Variants in SMYD4 observed in about 807,000 individuals in gnomAD.
The protein encoded by SMYD4 is protein-lysine N-methyltransferase SMYD4.
In SMYD4, 68 loss-of-function variants were observed where a neutral mutation model predicts 72.8. The observed-to-expected ratio is 0.93, with a 90% CI of 0.77 to 1.14. SMYD4 has a LOEUF of 1.14. Among genes scored for constraint, SMYD4 ranks in the 50% most tolerant of loss-of-function variants. SMYD4 has a pLI of 0.00. For synonymous variants in SMYD4, 407 were observed against 388.6 expected (o/e 1.05, Z -0.56); for missense variants, 984 against 1,003.7 (o/e 0.98, Z 0.27).
chr17:1,827,852 T>C lies in SMYD4; in HGVS notation c.134+9A>G. On this transcript the variant is annotated intron_variant, in intron 2 of 10. Transcript: ENST00000305513. ...TCACAATTCCCTTGTTAAAGCTTGATTTACTTACTGAAGAAGTGAAGAGGA... is the reference window on the plus strand; with the variant it reads ...TCACAATTCCCTTGTTAAAGCTTGACTTACTTACTGAAGAAGTGAAGAGGA... The C allele has an allele frequency of 1.3e-6, 2 of 1,593,116 alleles. No homozygotes were observed. The highest frequency in any genetic ancestry group is 1.7e-6 in the Non-Finnish European group (2 of 1,163,110).
intron 3 of SMYD4, among the ~76,000 whole-genome samples, chr17:1,811,041 C>G (rs2151244654): frequency 6.6e-6 from 1 of 152,352 alleles, no homozygotes; most frequent in African/African-American, 2.4e-5. Context: ...ACAGGAAGCC[C>G]TCTGTCCTTG....
intron 2 of SMYD4, among the ~76,000 whole-genome samples, chr17:1,826,612 T>G (rs559246758): frequency 1.3e-5 from 2 of 152,064 alleles, no homozygotes; most frequent in Non-Finnish European, 2.9e-5. Context: ...CTGAACTCAT[T>G]ATTTCATTCA....
chr17:1,804,329 C>T (rs998878072), intron 4 of SMYD4: 3 of 297,538 alleles, frequency 1.0e-5, no homozygotes, highest in Non-Finnish European at 2.0e-5. Flanking sequence ...TGCTACTACA[C>T]CCGGCTAATT....
Position 1,784,370 on chromosome 17 carries a change from T to C in SMYD4, c.1976A>G (p.Gln659Arg). 1 of 1,614,248 alleles carries C rather than the reference T, an allele frequency of 6.2e-7. No homozygotes were observed. ...AAGCTTCTGGGCCACTCTGACCTGC[T>C]GCTGTAGGTCCTGTAACCGAGAGAC... ...HLVSRLQDLQ[Q>R]QVRVAQKLLR... The change falls in exon 8 of 11, where the codon CAG becomes CGG. Residue 659 changes from glutamine (Q) to arginine (R), a missense_variant. Coordinates refer to ENST00000305513, the MANE Select transcript of SMYD4 (RefSeq NM_052928.3).
chr17:1,787,639 C>G (rs1030272099), intron 5 of SMYD4, 35 bp from the exon 6 acceptor site: 2 of 1,532,238 alleles, frequency 1.3e-6, no homozygotes, highest in Admixed American at 2.0e-5. Flanking sequence ...AAAAAGGTGT[C>G]AGCACATGAG....
At chr17:1,820,057 G>A (rs963876247) in intron 2 of SMYD4, among the ~76,000 whole-genome samples, 1 of 152,108 alleles carries the variant, frequency 6.6e-6, no homozygotes, top group African/African-American at 2.4e-5. Context: ...CAAAGGGCTG[G>A]GATTACAGGC....
Position 1,780,008 on chromosome 17 carries a change from T to A in SMYD4, c.*1278A>T, listed in dbSNP as rs1264401195. 6.6e-6 allele frequency: 1 copy of A among 152,560 alleles called. No homozygotes were observed. The highest frequency in any genetic ancestry group is 6.5e-5 in the Admixed American group (1 of 15,278). The allele number at this position is 152,560 out of a possible 1,614,324, so 9.5% of individuals were successfully genotyped here. A position where few individuals can be genotyped will look rare whatever the true frequency, so the allele number is the denominator to read the frequency against. On this transcript the variant is annotated 3_prime_UTR_variant, in exon 11 of 11. Coordinates refer to ENST00000305513, the MANE Select transcript of SMYD4 (RefSeq NM_052928.3). Reference sequence around the variant, plus strand: ...GCCTGCAGATCAGCTAAAATCCTTTTAAAGGACTTGGAATCTCCAGATACT... The same window carrying A: ...GCCTGCAGATCAGCTAAAATCCTTTAAAAGGACTTGGAATCTCCAGATACT...
chr17:1,826,491 CAAAAAAAAAA>C lies in SMYD4; in HGVS notation c.134+1360_134+1369del, dbSNP rs111636314. Among the ~76,000 whole-genome samples, 1,019 of 102,994 alleles carry C rather than the reference CAAAAAAAAAA, an allele frequency of 9.9e-3. 11 individuals are homozygous for C. Among genetic ancestry groups the C allele is most frequent in the African/African-American group, 0.029 (926 of 31,512 alleles). The allele number at this position is 102,994 out of a possible 152,430, so 67.6% of individuals were successfully genotyped here. ...TGGGCAACAAGAGCAAAACTCTGTCCAAAAAAAAAAAAAAAAAAAAAAAAAAAGAAAAGAA... is the reference window on the plus strand; with the variant it reads ...TGGGCAACAAGAGCAAAACTCTGTCCAAAAAAAAAAAAAAAAAGAAAAGAA... On this transcript the variant is annotated intron_variant, in intron 2 of 10. Coordinates refer to ENST00000305513, the MANE Select transcript of SMYD4 (RefSeq NM_052928.3).
At chr17:1,826,266 G>A (rs533784941) in intron 2 of SMYD4, among the ~76,000 whole-genome samples, 1 of 152,232 alleles carries the variant, frequency 6.6e-6, no homozygotes, top group South Asian at 2.1e-4. Flanking sequence ...GCCAAGGCGG[G>A]CGGATCACCT....
At chr17:1,798,997 C>A (rs1194632485) in intron 5 of SMYD4, among the ~76,000 whole-genome samples, 1 of 151,666 alleles carries the variant, frequency 6.6e-6, no homozygotes, top group Non-Finnish European at 1.5e-5. Context: ...AACAGCCAGG[C>A]ACGGTGGCTC....
rs1255429047 is a variant in SMYD4 at position 1,783,645 on chromosome 17, C to T, written c.2021-169G>A. ...TCTGTTCCAATAAAGCTGCTGTTTT[C>T]TTCTGTTTTCTCTGTCAGTGGAGAA... On this transcript the variant is annotated intron_variant, in intron 8 of 10. Coordinates refer to ENST00000305513, the MANE Select transcript of SMYD4 (RefSeq NM_052928.3). 12 of 1,234,982 alleles carry T rather than the reference C, an allele frequency of 9.7e-6. No individual in the cohort carries two copies. The African/African-American group carries it at 1.1e-4, about 11-fold the overall frequency. 76.5% of individuals were successfully genotyped at this position (1,234,982 alleles called of 1,614,324 possible). A position where few individuals can be genotyped will look rare whatever the true frequency, so the allele number is the denominator to read the frequency against.
intron 2 of SMYD4, among the ~76,000 whole-genome samples, chr17:1,816,569 G>A (rs1458449098): frequency 6.0e-5 from 9 of 151,202 alleles, no homozygotes; most frequent in East Asian, 5.9e-4. Context: ...GCAGTGAGCC[G>A]AGAGCACACC....
At chr17:1,814,033 A>C (rs565349316) in intron 2 of SMYD4, among the ~76,000 whole-genome samples, 35 of 152,148 alleles carry the variant, frequency 2.3e-4, no homozygotes, top group Non-Finnish European at 4.7e-4. Flanking sequence ...CAGAATGGCC[A>C]GGTGCGGTGG....
At chr17:1,791,704 A>T (rs1285392567) in intron 5 of SMYD4, among the ~76,000 whole-genome samples, 1 of 152,168 alleles carries the variant, frequency 6.6e-6, no homozygotes, top group Non-Finnish European at 1.5e-5. Context: ...TACTCTTATC[A>T]TTTGAATTAT....
intron 2 of SMYD4, among the ~76,000 whole-genome samples, chr17:1,827,353 G>GAAAAAAAAAAAAAA (rs529472874): frequency 4.2e-5 from 5 of 118,934 alleles, no homozygotes; most frequent in African/African-American, 5.9e-5. Flanking sequence ...AAGAAAAAAA[G>GAAAAAAAAAAAAAA]AAAAAAAAAA....
In SMYD4 at chr17:1,800,456, C is replaced by T; in HGVS notation, c.938G>A (p.Ser313Asn). 6.2e-7 allele frequency: 1 copy of T among 1,614,198 alleles called. No homozygotes were observed. The highest frequency in any genetic ancestry group is 8.5e-7 in the Non-Finnish European group (1 of 1,180,040). Residue 313 changes from serine (S) to asparagine (N), a missense_variant, in exon 5 of 11, where the codon AGT becomes AAT. Ser to Asn is a conservative substitution (Grantham distance 46, BLOSUM62 1). Coordinates refer to ENST00000305513, the MANE Select transcript of SMYD4 (RefSeq NM_052928.3). ...TLATVPCDGC[S>N]YAKYCSQECL... is the part of the protein sequence containing the mutation. ...CTCCTGGCTGCAATACTTGGCATAA[C>T]TGCATCCGTCACACGGAACTGTGGC...
At chr17:1,801,919 C>G (rs1276853252) in intron 4 of SMYD4, among the ~76,000 whole-genome samples, 2 of 151,746 alleles carry the variant, frequency 1.3e-5, no homozygotes, top group Non-Finnish European at 1.5e-5. Context: ...GAGGTTGCAG[C>G]GAGCCGAGAT....
At chr17:1,785,768 A>AAAAAAAAAAAAAAAAAG (rs1555574281) in intron 7 of SMYD4, among the ~76,000 whole-genome samples, 1 of 14,868 alleles carries the variant, frequency 6.7e-5, no homozygotes, top group African/African-American at 2.1e-4. Flanking sequence ...CATCTCAAAA[A>AAAAAAAAAAAAAAAAAG]AAAAAAAGAA....
At position 1,783,160 on chromosome 17, in the gene SMYD4, T is replaced by C. The variant is rs1908461768; in HGVS notation, c.2138-2A>G. On this transcript the variant is annotated splice_acceptor_variant, in intron 9 of 10. Transcript: ENST00000305513. LOFTEE classifies it high-confidence loss of function. ...GGGTGGCTGACTTTTGCCAGTCTCC[T>C]GTGAGAAGAGAAAAATCTTGTTCCA... 4 of 1,613,984 alleles carry C rather than the reference T, an allele frequency of 2.5e-6. No individual in the cohort carries two copies. Among genetic ancestry groups the C allele is most frequent in the Admixed American group, 1.7e-5 (1 of 59,920 alleles).
Sources: gnomAD v4.1 joint callset for allele counts (sites outside exome capture counted in the v4.1 genomes callset) on GRCh38, gnomAD v4.1.1 for gene constraint, MANE v1.5 for transcripts, NCBI Gene and HGNC (gene_info 2026-07-23, HGNC 2026-07-21) for gene names.